Variants in ATP9B observed in about 807,000 individuals in gnomAD.
ATP9B encodes the protein probable phospholipid-transporting ATPase IIB.
Under a neutral mutation model 146.1 loss-of-function variants are expected in ATP9B, and 110 were observed. That is an observed-to-expected ratio of 0.75 (90% CI 0.65 to 0.88). The LOEUF (loss-of-function observed/expected upper bound fraction) is 0.88. Ranked by LOEUF, ATP9B falls within the 40% of genes least tolerant of loss-of-function variation. ATP9B has a pLI of 0.00. For synonymous variants in ATP9B, 604 were observed against 569.7 expected (o/e 1.06, Z -0.86); for missense variants, 1,499 against 1,496.4 (o/e 1.00, Z -0.03).
At chr18:79,361,758 C>T in intron 26 of ATP9B, 1 of 985,380 alleles carries the variant, frequency 1.0e-6, no homozygotes, top group South Asian at 4.7e-5. Context: ...GTAGCACAGA[C>T]TGCAGCACTC....
chr18:79,351,546 T>C (rs1490421970), intron 25 of ATP9B, among the ~76,000 whole-genome samples: 1 of 152,224 alleles, frequency 6.6e-6, no homozygotes, highest in Non-Finnish European at 1.5e-5. Flanking sequence ...AAAATCAACA[T>C]GATGTTTTTA....
chr18:79,208,930 G>T (rs781171854), intron 10 of ATP9B, among the ~76,000 whole-genome samples: 1 of 152,190 alleles, frequency 6.6e-6, no homozygotes, highest in South Asian at 2.1e-4. Flanking sequence ...CCTGAGCTCT[G>T]TAAGGGTCTT....
intron 4 of ATP9B, among the ~76,000 whole-genome samples, chr18:79,125,187 C>G (rs492303): frequency 0.13 from 20,039 of 152,026 alleles, 1,911 homozygotes; most frequent in African/African-American, 0.27. Flanking sequence ...GAGGAGAAGA[C>G]TTGATGTGCT....
intron 8 of ATP9B, among the ~76,000 whole-genome samples, chr18:79,184,973 A>C (rs2095291488): frequency 8.1e-6 from 1 of 123,344 alleles, no homozygotes; most frequent in Admixed American, 7.4e-5. Context: ...TATTAGAAAA[A>C]ATTTGTCTGA....
chr18:79,214,101 G>C, intron 11 of ATP9B, 63 bp downstream of exon 11: 4 of 1,236,262 alleles, frequency 3.2e-6, no homozygotes, highest in Non-Finnish European at 3.4e-6. Flanking sequence ...AAGAAAGTCT[G>C]CATAGTTCTG....
At chr18:79,327,765 T>TCCATGGTTAGCGTGCTCGCC (rs2096764055) in intron 15 of ATP9B, among the ~76,000 whole-genome samples, 1 of 56,360 alleles carries the variant, frequency 1.8e-5, no homozygotes, top group Non-Finnish European at 3.4e-5. Context: ...GCGTGCTCTC[T>TCCATGGTTAGCGTGCTCGCC]GTGGTTAACG....
intron 13 of ATP9B, among the ~76,000 whole-genome samples, chr18:79,287,873 T>G (rs1452378283): frequency 3.0e-4 from 45 of 149,806 alleles, no homozygotes; most frequent in Non-Finnish European, 4.2e-4. Context: ...TTTCGTTATG[T>G]ACCCAGTAGT....
At chr18:79,237,691 G>T (rs7229313) in intron 11 of ATP9B, among the ~76,000 whole-genome samples, 35,309 of 109,504 alleles carry the variant, frequency 0.32, 6,343 homozygotes, top group African/African-American at 0.58. Flanking sequence ...TTTTTTTTTG[G>T]GGGGGGGTGG....
intron 7 of ATP9B, among the ~76,000 whole-genome samples, chr18:79,157,424 A>AAAAAAAAAAAAC (rs1600016675): frequency 7.1e-6 from 1 of 140,470 alleles, no homozygotes; most frequent in East Asian, 2.0e-4. Context: ...AAAAAAAAAA[A>AAAAAAAAAAAAC]CATGTATTGA....
At position 79,344,360 on chromosome 18, in the gene ATP9B, G is replaced by A. The variant is rs375704520; in HGVS notation, c.2472+6G>A. 4.3e-6 allele frequency: 7 copies of A among 1,613,726 alleles called. No homozygotes were observed. The highest frequency in any genetic ancestry group is 5.1e-6 in the Non-Finnish European group (6 of 1,179,680). On this transcript the variant is annotated splice_donor_region_variant and intron_variant, in intron 21 of 29. Coordinates refer to ENST00000426216, the MANE Select transcript of ATP9B (RefSeq NM_198531.5). Reference sequence around the variant, plus strand: ...TATCTGGGGACTCTCTGGAGGTAAGGCTGGACCCTGAGTGAGTACATGTCT... The same window carrying A: ...TATCTGGGGACTCTCTGGAGGTAAGACTGGACCCTGAGTGAGTACATGTCT...
intron 12 of ATP9B, among the ~76,000 whole-genome samples, chr18:79,273,630 C>CT (rs538862027): frequency 1.3e-5 from 2 of 152,154 alleles, no homozygotes; most frequent in Non-Finnish European, 2.9e-5. Flanking sequence ...AGTTGTGGGA[C>CT]TGGGTTCACC....
At chr18:79,310,113 G>A (rs1370261589) in intron 15 of ATP9B, among the ~76,000 whole-genome samples, 1 of 152,144 alleles carries the variant, frequency 6.6e-6, no homozygotes, top group Non-Finnish European at 1.5e-5. Flanking sequence ...AGGAAGAAGG[G>A]TGGAGAGGCA....
At chr18:79,257,548 G>C (rs1028521214) in intron 12 of ATP9B, among the ~76,000 whole-genome samples, 1 of 152,164 alleles carries the variant, frequency 6.6e-6, no homozygotes, top group Non-Finnish European at 1.5e-5. Flanking sequence ...AGAGCAATGT[G>C]GGGCTTCCCT....
intron 11 of ATP9B, among the ~76,000 whole-genome samples, chr18:79,218,546 G>C (rs910312923): frequency 3.3e-5 from 5 of 151,528 alleles, no homozygotes; most frequent in Admixed American, 2.0e-4. Flanking sequence ...TGTGTTCCTT[G>C]TCTGATGCAG....
intron 1 of ATP9B, among the ~76,000 whole-genome samples, chr18:79,072,856 G>A (rs907585214): frequency 6.6e-6 from 1 of 151,846 alleles, no homozygotes; most frequent in Non-Finnish European, 1.5e-5. Context: ...GGGCAGAGGC[G>A]CTCCTCAGTT....
intron 16 of ATP9B, among the ~76,000 whole-genome samples, chr18:79,329,610 GTT>G (rs2096779436): frequency 6.6e-6 from 1 of 152,070 alleles, no homozygotes; most frequent in Admixed American, 6.5e-5. Context: ...ATGCCAAAGA[GTT>G]TGACTTTTGT....
At chr18:79,179,208 C>G (rs901030834) in intron 8 of ATP9B, among the ~76,000 whole-genome samples, 2 of 152,074 alleles carry the variant, frequency 1.3e-5, no homozygotes, top group Non-Finnish European at 2.9e-5. Flanking sequence ...TATATCCTGT[C>G]TCTTTTATCG....
At chr18:79,186,851 T>C (rs1157737885) in intron 8 of ATP9B, among the ~76,000 whole-genome samples, 1 of 152,234 alleles carries the variant, frequency 6.6e-6, no homozygotes, top group Non-Finnish European at 1.5e-5. Flanking sequence ...TTTTTCACAG[T>C]TTCTTGAAAG....
chr18:79,308,165 T>G (rs1376537939), intron 15 of ATP9B, among the ~76,000 whole-genome samples: 2 of 151,874 alleles, frequency 1.3e-5, no homozygotes, highest in Non-Finnish European at 2.9e-5. Flanking sequence ...ATAACAGGAA[T>G]CAAAAAGACA....
Sources: allele counts gnomAD v4.1 joint callset (sites outside exome capture counted in the v4.1 genomes callset), GRCh38; gene constraint gnomAD v4.1.1; transcripts MANE v1.5; gene names NCBI Gene and HGNC (gene_info 2026-07-23, HGNC 2026-07-21).